PCDHGA9: variants seen among roughly 807,000 people sequenced by gnomAD.
The protein encoded by PCDHGA9 is protocadherin gamma subfamily A, 9.
A neutral mutation model predicts 62.5 loss-of-function variants in PCDHGA9; 37 were observed. The observed-to-expected ratio is 0.59, with a 90% CI of 0.46 to 0.78. The LOEUF (loss-of-function observed/expected upper bound fraction) is 0.78, where lower values mean the gene tolerates loss of function less well. Ranked by LOEUF, PCDHGA9 falls within the 30% of genes least tolerant of loss-of-function variation. The pLI, the probability that PCDHGA9 is intolerant of heterozygous loss-of-function variation, is 0.00. For synonymous variants in PCDHGA9, 459 were observed against 484.6 expected (o/e 0.95, Z 0.69); for missense variants, 1,138 against 1,166.2 (o/e 0.98, Z 0.35).
rs1561728654 is a variant in PCDHGA9, at chr5:141,410,479, G to C, written c.2424+5103G>C. 3.7e-6 allele frequency: 6 copies of C among 1,613,838 alleles called. No homozygotes were observed. In the African/African-American group the frequency reaches 8.0e-5, roughly 22 times the overall value. ...CTTATAATCTGTGCATTGCACATAC[G>C]GGTACAAAAGAGTTTAATTTCCTAA... On this transcript the variant is annotated intron_variant, in intron 1 of 3. Coordinates refer to ENST00000573521, the MANE Select transcript of PCDHGA9 (RefSeq NM_018921.3).
At chr5:141,469,543 C>G (rs1031152008) in intron 1 of PCDHGA9, among the ~76,000 whole-genome samples, 4 of 152,040 alleles carry the variant, frequency 2.6e-5, no homozygotes, top group Non-Finnish European at 4.4e-5. Flanking sequence ...CCACTGCACT[C>G]CAGCCTGGCG....
chr5:141,415,056 G>T, intron 1 of PCDHGA9: 1 of 1,613,416 alleles, frequency 6.2e-7, no homozygotes. Context: ...GGGAGCACAC[G>T]GGCGAGGTGC....
chr5:141,443,699 A>G (rs1433844997), intron 1 of PCDHGA9, among the ~76,000 whole-genome samples: 1 of 152,248 alleles, frequency 6.6e-6, no homozygotes, highest in African/African-American at 2.4e-5. Flanking sequence ...AAAATTATAG[A>G]ATAACATTTG....
chr5:141,456,884 A>G (rs1448469695), intron 1 of PCDHGA9, among the ~76,000 whole-genome samples: 1 of 151,974 alleles, frequency 6.6e-6, no homozygotes, highest in East Asian at 1.9e-4. Flanking sequence ...AATCGCTTGA[A>G]CCCGGGAGGC....
At chr5:141,479,590 A>T (rs2099500448) in intron 1 of PCDHGA9, 1 of 152,182 alleles carries the variant, frequency 6.6e-6, no homozygotes, top group Non-Finnish European at 1.5e-5. Context: ...TAGCCACTGC[A>T]CTCCAGCCTA....
chr5:141,410,032 G>C (rs1395086834), intron 1 of PCDHGA9: 5 of 1,613,162 alleles, frequency 3.1e-6, no homozygotes, highest in African/African-American at 1.3e-5. Flanking sequence ...ACGTGCTGCA[G>C]GCCAGTGAGC....
rs748668164 is a variant in PCDHGA9 at position 141,404,490 on chromosome 5, T to A, written c.1538T>A (p.Val513Glu). ...GTCTCTATTAACTCAGACACTGGTG[T>A]GCTGTATGCTCTGTGCTCCTTTGAC... ...TYVSINSDTGVLYALCSFDYE... is the reference protein window; with the variant it reads ...TYVSINSDTGELYALCSFDYE... Residue 513 changes from valine (V) to glutamate (E), a missense_variant, in exon 1 of 4, where the codon GTG becomes GAG. Physicochemically the swap from Val to Glu is moderately radical, Grantham distance 121. Transcript: ENST00000573521. 6 of 1,613,632 alleles carry A rather than the reference T, an allele frequency of 3.7e-6. No homozygotes were observed. Among genetic ancestry groups the A allele is most frequent in the Non-Finnish European group, 5.1e-6 (6 of 1,179,672 alleles).
At chr5:141,426,925 A>G in intron 1 of PCDHGA9, 1 of 456,756 alleles carries the variant, frequency 2.2e-6, no homozygotes, top group Non-Finnish European at 4.4e-6. Flanking sequence ...GAAGCAATGG[A>G]CATGGGTGAC....
intron 1 of PCDHGA9, chr5:141,441,550 G>C (rs2098254247): frequency 5.4e-6 from 1 of 184,034 alleles, no homozygotes; most frequent in Non-Finnish European, 1.1e-5. Context: ...AGCCTCCATA[G>C]TGTGCAAGTA....
chr5:141,493,784 T>A lies in PCDHGA9; in HGVS notation c.2425-1023T>A, dbSNP rs1368708028. ...AGCCACTGGCAGTTCCGGAGCTTCC[T>A]TCTCCCTGGAGTAATCTGAGATACT... On this transcript the variant is annotated intron_variant, in intron 1 of 3. Coordinates refer to ENST00000573521, the MANE Select transcript of PCDHGA9 (RefSeq NM_018921.3). This position sits in a 1 kb window ranked among gnomAD's most constrained non-coding sequence, Gnocchi z 4.3. 1.3e-5 allele frequency among the ~76,000 whole-genome samples: 2 copies of A among 152,194 alleles called. No individual in the cohort carries two copies. Among genetic ancestry groups the A allele is most frequent in the Non-Finnish European group, 2.9e-5 (2 of 68,032 alleles).
Position 141,404,169 on chromosome 5 carries a change from C to T in PCDHGA9, c.1217C>T (p.Thr406Met), listed in dbSNP as rs199556803. ...GAAGAAGATTATTACAGATTGTTGACGGCCCAAATTCTTGACCGAGAAAAA... is the reference window on the plus strand; with the variant it reads ...GAAGAAGATTATTACAGATTGTTGATGGCCCAAATTCTTGACCGAGAAAAA... ...NSEEDYYRLL[T>M]AQILDREKAS... The change falls in exon 1 of 4, where the codon ACG becomes ATG. Residue 406 changes from threonine (T) to methionine (M), a missense_variant. Coordinates refer to ENST00000573521, the MANE Select transcript of PCDHGA9 (RefSeq NM_018921.3). 118 of 1,612,734 alleles carry T rather than the reference C, an allele frequency of 7.3e-5. No individual in the cohort carries two copies. The highest frequency in any genetic ancestry group is 8.8e-5 in the Non-Finnish European group (104 of 1,179,274).
Position 141,486,552 on chromosome 5 carries a change from A to G in PCDHGA9, c.2425-8255A>G. On this transcript the variant is annotated intron_variant, in intron 1 of 3. Coordinates refer to ENST00000573521, the MANE Select transcript of PCDHGA9 (RefSeq NM_018921.3). This position sits in a 1 kb window ranked among gnomAD's most constrained non-coding sequence, Gnocchi z 5.0. ...CCACCCTCTTTCTTTCAGAGGTCAC[A>G]TGAGGTGTTTGTTCCTGAGAACAAT... is the stretch of plus-strand genomic sequence containing the variant. 1 of 1,614,136 alleles carries G rather than the reference A, an allele frequency of 6.2e-7. No homozygotes were observed. The highest frequency in any genetic ancestry group is 2.2e-5 in the East Asian group (1 of 44,882).
intron 1 of PCDHGA9, chr5:141,420,464 C>A: frequency 1.2e-6 from 1 of 801,488 alleles, no homozygotes; most frequent in South Asian, 4.0e-5. Flanking sequence ...TATTCAAAGA[C>A]ATTTTAAAGC....
intron 1 of PCDHGA9, chr5:141,426,347 T>C (rs977411941): frequency 5.2e-6 from 1 of 193,980 alleles, no homozygotes; most frequent in African/African-American, 2.3e-5. Context: ...TTCCCTTTCC[T>C]GCTGCCTTTG....
At chr5:141,419,371 C>T (rs751971270) in intron 1 of PCDHGA9, 4 of 1,613,662 alleles carry the variant, frequency 2.5e-6, no homozygotes, top group Non-Finnish European at 8.5e-7. Flanking sequence ...TGTCGTCCTA[C>T]GTGTCCGTGA....
At chr5:141,419,796 T>C (rs1334397368) in intron 1 of PCDHGA9, 1 of 1,614,026 alleles carries the variant, frequency 6.2e-7, no homozygotes, top group Admixed American at 1.7e-5. Flanking sequence ...CTAGTCGCTG[T>C]AAGAGATGGA....
rs1411363585 is a variant in PCDHGA9 at position 141,404,058 on chromosome 5, T to C, written c.1106T>C (p.Phe369Ser). 1 of 1,613,778 alleles carries C rather than the reference T, an allele frequency of 6.2e-7. No individual in the cohort carries two copies. The highest frequency in any genetic ancestry group is 8.5e-7 in the Non-Finnish European group (1 of 1,179,832). Residue 369 changes from phenylalanine (F) to serine (S), a missense_variant, in exon 1 of 4, where the codon TTC (phenylalanine) becomes TCC (serine). Phe to Ser is a radical substitution (Grantham distance 155, BLOSUM62 -2). Transcript: ENST00000573521. ...CCTCAGGGAACAGTAATTCTTCTTTTCAATGCTCATGACCGAGACTCCGGG... is the reference window on the plus strand; with the variant it reads ...CCTCAGGGAACAGTAATTCTTCTTTCCAATGCTCATGACCGAGACTCCGGG... ...DAPQGTVILL[F>S]NAHDRDSGKN...
At chr5:141,451,238 T>A (rs1167769789) in intron 1 of PCDHGA9, among the ~76,000 whole-genome samples, 6 of 152,214 alleles carry the variant, frequency 3.9e-5, no homozygotes, top group African/African-American at 1.4e-4. Context: ...TATTATCTCA[T>A]AAATTTTGTG....
intron 1 of PCDHGA9, chr5:141,422,357 C>T: frequency 6.4e-7 from 1 of 1,557,656 alleles, no homozygotes; most frequent in South Asian, 1.3e-5. Context: ...GATCAAGATT[C>T]TGGAGAAAAT....
Sources: allele counts gnomAD v4.1 joint callset (sites outside exome capture counted in the v4.1 genomes callset), GRCh38; gene constraint gnomAD v4.1.1; non-coding constraint Gnocchi (gnomAD v3.1); transcripts MANE v1.5; gene names NCBI Gene and HGNC (gene_info 2026-07-23, HGNC 2026-07-21).